GALNT13: variants seen among roughly 807,000 people sequenced by gnomAD.
GALNT13 encodes polypeptide N-acetylgalactosaminyltransferase 13.
In GALNT13, 28 loss-of-function variants were observed where a neutral mutation model predicts 64.2. That is an observed-to-expected ratio of 0.44 (90% CI 0.32 to 0.60). The LOEUF is 0.60. GALNT13 is among the 20% of genes least tolerant of loss of function. The pLI, the probability that GALNT13 is intolerant of heterozygous loss-of-function variation, is 0.05. For missense variants in GALNT13, 577 were observed against 669.8 expected, an observed-to-expected ratio of 0.86 and a Z score of 1.53; for synonymous variants, 214 against 224.6, an observed-to-expected ratio of 0.95 and a Z score of 0.42.
At chr2:153,982,226 A>G (rs1205299296) in intron 3 of GALNT13, among the ~76,000 whole-genome samples, 1 of 152,166 alleles carries the variant, frequency 6.6e-6, no homozygotes, top group African/African-American at 2.4e-5. Context: ...CTCTGAGAGA[A>G]GTTATACTGT....
intron 4 of GALNT13, among the ~76,000 whole-genome samples, chr2:154,146,116 C>T (rs1264237618): frequency 6.8e-6 from 1 of 147,870 alleles, no homozygotes; most frequent in Non-Finnish European, 1.5e-5. Context: ...TTTACATATG[C>T]ACAATGTATG....
At chr2:153,323,988 A>G in the GALNT13 span, among the ~76,000 whole-genome samples, 1 of 152,182 alleles carries the variant, frequency 6.6e-6, no homozygotes, top group Non-Finnish European at 1.5e-5. Flanking sequence ...TTTTGGTTCC[A>G]TATGAAATTT....
At chr2:153,557,182 C>T in the GALNT13 span, among the ~76,000 whole-genome samples, 1 of 152,228 alleles carries the variant, frequency 6.6e-6, no homozygotes, top group Non-Finnish European at 1.5e-5. Flanking sequence ...TTTAGATACA[C>T]AGATACTTAG....
At chr2:153,362,351 A>T in the GALNT13 span, among the ~76,000 whole-genome samples, 1 of 152,126 alleles carries the variant, frequency 6.6e-6, no homozygotes, top group Admixed American at 6.5e-5. Context: ...TAGCATCATG[A>T]TGACAGGATC....
chr2:153,076,567 G>A, the GALNT13 span, among the ~76,000 whole-genome samples: 1 of 151,942 alleles, frequency 6.6e-6, no homozygotes, highest in Non-Finnish European at 1.5e-5. Flanking sequence ...GTACTTTTAT[G>A]ATATAATTTT....
chr2:153,579,316 G>C, the GALNT13 span, among the ~76,000 whole-genome samples: 1 of 151,910 alleles, frequency 6.6e-6, no homozygotes, highest in South Asian at 2.1e-4. Flanking sequence ...ATTTTCATGA[G>C]CTAATATAGG....
chr2:153,441,712 G>A, the GALNT13 span, among the ~76,000 whole-genome samples: 1 of 152,102 alleles, frequency 6.6e-6, no homozygotes, highest in African/African-American at 2.4e-5. Flanking sequence ...TGTAGCAATT[G>A]TGAATGGGAG....
chr2:153,145,573 C>T, the GALNT13 span, among the ~76,000 whole-genome samples: 1 of 151,970 alleles, frequency 6.6e-6, no homozygotes, highest in South Asian at 2.1e-4. Context: ...CTTTGATTCA[C>T]ATATAATTTT....
the GALNT13 span, among the ~76,000 whole-genome samples, chr2:153,237,089 A>G: frequency 9.9e-5 from 15 of 152,102 alleles, no homozygotes; most frequent in Non-Finnish European, 1.8e-4. Flanking sequence ...AAGAACTAGA[A>G]TTAGAAGTGG....
At chr2:153,971,559 A>G (rs1015551988) in intron 3 of GALNT13, among the ~76,000 whole-genome samples, 2 of 152,158 alleles carry the variant, frequency 1.3e-5, no homozygotes, top group Admixed American at 6.6e-5. Context: ...ATTTACCACT[A>G]GAGAGACTTA....
At chr2:153,891,664 T>C (rs187067317) in intron 1 of GALNT13, among the ~76,000 whole-genome samples, 1 of 152,162 alleles carries the variant, frequency 6.6e-6, no homozygotes, top group Non-Finnish European at 1.5e-5. Flanking sequence ...TTCTCTAAAA[T>C]AAAACTATGC....
the GALNT13 span, among the ~76,000 whole-genome samples, chr2:153,824,322 C>T: frequency 6.6e-6 from 1 of 152,120 alleles, no homozygotes; most frequent in Non-Finnish European, 1.5e-5. Flanking sequence ...TTGGAGATTT[C>T]TCAAAGAACT....
chr2:154,269,930 A>ATATATATATGTGTATAT (rs1553506263), intron 8 of GALNT13, among the ~76,000 whole-genome samples: 1 of 142,894 alleles, frequency 7.0e-6, no homozygotes, highest in Admixed American at 7.1e-5. Flanking sequence ...ATATATTTCT[A>ATATATATATGTGTATAT]AAGCACAGGG....
chr2:154,307,915 G>A (rs142048300), intron 9 of GALNT13, among the ~76,000 whole-genome samples: 261 of 152,198 alleles, frequency 1.7e-3, no homozygotes, highest in African/African-American at 6.1e-3. Context: ...ATAGACTATA[G>A]TCATAATACT....
chr2:153,193,212 A>G, the GALNT13 span, among the ~76,000 whole-genome samples: 2 of 151,820 alleles, frequency 1.3e-5, no homozygotes, highest in South Asian at 2.1e-4. Context: ...ATGTCCAACA[A>G]TGATAGACTG....
the GALNT13 span, among the ~76,000 whole-genome samples, chr2:153,808,073 A>G: frequency 2.6e-5 from 4 of 152,270 alleles, no homozygotes; most frequent in East Asian, 5.8e-4. Context: ...TGCAAAGTCA[A>G]TGCAATAGCC....
At chr2:153,863,614 T>A in the GALNT13 span, among the ~76,000 whole-genome samples, 1 of 152,172 alleles carries the variant, frequency 6.6e-6, no homozygotes, top group African/African-American at 2.4e-5. Context: ...CATTCATGTT[T>A]AAAATTTAAA....
intron 3 of GALNT13, among the ~76,000 whole-genome samples, chr2:154,013,893 G>T (rs571542962): frequency 6.6e-6 from 1 of 152,134 alleles, no homozygotes; most frequent in Non-Finnish European, 1.5e-5. Flanking sequence ...TGGTTTTGTC[G>T]GCAGAGTCCG....
chr2:153,960,514 A>G (rs987603835), intron 3 of GALNT13, among the ~76,000 whole-genome samples: 5 of 152,222 alleles, frequency 3.3e-5, no homozygotes, highest in African/African-American at 4.8e-5. Flanking sequence ...CAGCCAGGGC[A>G]GTTTTGCAGT....
Sources: gnomAD v4.1 joint callset for allele counts (sites outside exome capture counted in the v4.1 genomes callset) on GRCh38, gnomAD v4.1.1 for gene constraint, MANE v1.5 for transcripts, NCBI Gene and HGNC (gene_info 2026-07-23, HGNC 2026-07-21) for gene names.